The following PCDHGA9 variants were observed in gnomAD, a reference collection of about 807,000 sequenced individuals.
PCDHGA9 encodes protocadherin gamma-A9.
A neutral mutation model predicts 62.5 loss-of-function variants in PCDHGA9; 37 were observed. That is an observed-to-expected ratio of 0.59 (90% CI 0.46 to 0.78). The LOEUF (loss-of-function observed/expected upper bound fraction) is 0.78. Ranked by LOEUF, PCDHGA9 falls within the 30% of genes least tolerant of loss-of-function variation. The pLI, the probability that PCDHGA9 is intolerant of heterozygous loss-of-function variation, is 0.00. For missense variants in PCDHGA9, 1,138 were observed against 1,166.2 expected (o/e 0.98, Z 0.35); for synonymous variants, 459 against 484.6 (o/e 0.95, Z 0.69).
At chr5:141,510,887 G>C (rs2099883217) in intron 3 of PCDHGA9, 60 bp from the exon 4 acceptor site, 2 of 1,612,600 alleles carry the variant, frequency 1.2e-6, no homozygotes, top group East Asian at 4.5e-5. Context: ...GGGGATATAA[G>C]ACAGTGACTG....
intron 1 of PCDHGA9, among the ~76,000 whole-genome samples, chr5:141,457,005 A>T (rs2098903361): frequency 6.6e-6 from 1 of 152,146 alleles, no homozygotes; most frequent in Admixed American, 6.5e-5. Flanking sequence ...TGCATTACTA[A>T]ATCCAATAAA....
rs768135284 is a variant in PCDHGA9, at chr5:141,489,277, T to C, written c.2425-5530T>C. ...GACACTCCCACAGCTCGCTGGGAAA[T>C]GGCAAGTGCTGTGCATGTTGTCCTT... On this transcript the variant is annotated intron_variant, in intron 1 of 3. Transcript: ENST00000573521. This position sits in a 1 kb window ranked among gnomAD's most constrained non-coding sequence, Gnocchi z 4.5. 7.1e-6 allele frequency: 11 copies of C among 1,556,078 alleles called. No individual in the cohort carries two copies. Among genetic ancestry groups the C allele is most frequent in the South Asian group, 3.7e-5 (3 of 80,348 alleles).
In PCDHGA9 at chr5:141,476,599, TC is replaced by T; in HGVS notation, c.2425-18205del. The T allele has an allele frequency of 6.2e-7, 1 of 1,614,210 alleles. No individual in the cohort carries two copies. ...GCTTTCCGCTCGAGAGCGCGCACGA[TC>T]CCGATGTGGGAAGCAACTCTTTACA... is the stretch of plus-strand genomic sequence containing the variant. On this transcript the variant is annotated intron_variant, in intron 1 of 3. Transcript: ENST00000573521. This position sits in a 1 kb window ranked among gnomAD's most constrained non-coding sequence, Gnocchi z 7.6.
At chr5:141,449,021 C>T (rs897401758) in intron 1 of PCDHGA9, among the ~76,000 whole-genome samples, 3 of 152,104 alleles carry the variant, frequency 2.0e-5, no homozygotes, top group Non-Finnish European at 4.4e-5. Context: ...AGTTGCTTAG[C>T]ATTCCTTTGG....
At chr5:141,502,660 A>T (rs1423714257) in intron 2 of PCDHGA9, among the ~76,000 whole-genome samples, 2 of 152,208 alleles carry the variant, frequency 1.3e-5, no homozygotes, top group African/African-American at 4.8e-5. Flanking sequence ...GCAACCCTTC[A>T]TGCAATTTTA....
Position 141,432,604 on chromosome 5 carries a change from A to T in PCDHGA9, c.2424+27228A>T, listed in dbSNP as rs774164351. ...GTCTGCTCAAGGCCAGCGAGCCGGG[A>T]CTCTTCTCGGTGGGTCTGCACACGG... On this transcript the variant is annotated intron_variant, in intron 1 of 3. Coordinates refer to ENST00000573521, the MANE Select transcript of PCDHGA9 (RefSeq NM_018921.3). The surrounding 1 kb of genome is among the most constrained non-coding windows in gnomAD (Gnocchi z 6.0). 1.2e-6 allele frequency: 2 copies of T among 1,610,530 alleles called. No homozygotes were observed. The highest frequency in any genetic ancestry group is 1.7e-6 in the Non-Finnish European group (2 of 1,179,274).
intron 1 of PCDHGA9, among the ~76,000 whole-genome samples, chr5:141,448,617 T>C (rs1318664360): frequency 2.0e-5 from 3 of 152,150 alleles, no homozygotes; most frequent in Non-Finnish European, 2.9e-5. Flanking sequence ...ACTTTATATC[T>C]TCCTTTCTTC....
At chr5:141,478,675 G>T in intron 1 of PCDHGA9, 1 of 1,551,574 alleles carries the variant, frequency 6.4e-7, no homozygotes, top group Non-Finnish European at 8.7e-7. Flanking sequence ...ACTTTCAACT[G>T]GCCCTTCCTA....
intron 1 of PCDHGA9, among the ~76,000 whole-genome samples, chr5:141,469,490 G>A (rs1346871954): frequency 3.3e-5 from 5 of 152,146 alleles, no homozygotes; most frequent in East Asian, 3.9e-4. Context: ...CAGGAGAATC[G>A]CTTGAACCCG....
At chr5:141,449,726 TTTTTTATGACATGATTA>T (rs2098653732) in intron 1 of PCDHGA9, among the ~76,000 whole-genome samples, 1 of 151,792 alleles carries the variant, frequency 6.6e-6, no homozygotes, top group Admixed American at 6.6e-5. Flanking sequence ...ATGATATGAT[TTTTTTATGACATGATTA>T]TTTTTATGAC....
intron 1 of PCDHGA9, chr5:141,419,148 C>A: frequency 6.2e-7 from 1 of 1,613,940 alleles, no homozygotes; most frequent in Admixed American, 1.7e-5. Flanking sequence ...AGGGGCAAGC[C>A]TCCGTTATCC....
At chr5:141,408,458 G>T (rs760881860) in intron 1 of PCDHGA9, 4 of 1,614,066 alleles carry the variant, frequency 2.5e-6, no homozygotes, top group South Asian at 2.2e-5. Flanking sequence ...GGACTTACTT[G>T]TGAAGAACCG....
chr5:141,447,389 C>T (rs1467715872), intron 1 of PCDHGA9, among the ~76,000 whole-genome samples: 1 of 152,150 alleles, frequency 6.6e-6, no homozygotes, highest in African/African-American at 2.4e-5. Context: ...CTGCCCACCT[C>T]GGCCTCCCAA....
intron 1 of PCDHGA9, chr5:141,440,534 C>A (rs562736984): frequency 1.3e-5 from 2 of 152,188 alleles, no homozygotes; most frequent in East Asian, 3.9e-4. Flanking sequence ...TCATGCACCA[C>A]GGTTCAGCAG....
chr5:141,407,027 CT>C (rs1297630291), intron 1 of PCDHGA9, among the ~76,000 whole-genome samples: 1 of 152,128 alleles, frequency 6.6e-6, no homozygotes, highest in Non-Finnish European at 1.5e-5. Context: ...AAATTCTATG[CT>C]AAACATGTGA....
At chr5:141,410,585 G>A in intron 1 of PCDHGA9, 1 of 1,610,012 alleles carries the variant, frequency 6.2e-7, no homozygotes, top group South Asian at 1.1e-5. Flanking sequence ...TCATGGTGGG[G>A]AGGATTTGAC....
intron 1 of PCDHGA9, among the ~76,000 whole-genome samples, chr5:141,492,090 C>T (rs751238997): frequency 1.4e-4 from 21 of 152,258 alleles, no homozygotes; most frequent in Admixed American, 6.5e-5. Flanking sequence ...GCACGCTTCG[C>T]CGGTCTGTAG....
intron 1 of PCDHGA9, chr5:141,417,592 TG>T: frequency 2.1e-6 from 1 of 485,078 alleles, no homozygotes; most frequent in Non-Finnish European, 3.5e-6. Context: ...ACAGAGCCTC[TG>T]GGCGCCGCCG....
At chr5:141,503,309 A>G (rs2099819130) in intron 2 of PCDHGA9, among the ~76,000 whole-genome samples, 1 of 152,034 alleles carries the variant, frequency 6.6e-6, no homozygotes, top group Non-Finnish European at 1.5e-5. Flanking sequence ...TCAAGAAAGA[A>G]TTGTTGGAGG....
Sources: gnomAD v4.1 joint callset for allele counts (sites outside exome capture counted in the v4.1 genomes callset) on GRCh38, gnomAD v4.1.1 for gene constraint, Gnocchi (gnomAD v3.1) non-coding constraint, MANE v1.5 for transcripts, NCBI Gene and HGNC (gene_info 2026-07-23, HGNC 2026-07-21) for gene names.